Variants in COL5A2 observed in about 807,000 individuals in gnomAD.
COL5A2 encodes the protein collagen alpha-2(V) chain.
COL5A2 carries 23 observed loss-of-function variants against 208.2 expected under a neutral mutation model. That is an observed-to-expected ratio of 0.11 (90% CI 0.08 to 0.16). COL5A2 has a LOEUF of 0.16. Among genes scored for constraint, COL5A2 ranks in the 10% least tolerant of loss-of-function variants. The pLI is 1.00. For missense variants in COL5A2, 1,590 were observed against 1,956.4 expected, an observed-to-expected ratio of 0.81 and a Z score of 3.53; for synonymous variants, 625 against 628.5, an observed-to-expected ratio of 0.99 and a Z score of 0.08.
rs79567524 is a variant in COL5A2 at position 189,057,666 on chromosome 2, G to T, written c.2230-239C>A. Reference sequence around the variant, plus strand: ...CTTTTCTCTTAAGAGGCAATTGAACGCTATTTCAAATAAAAAGGATAGAGT... The same window carrying T: ...CTTTTCTCTTAAGAGGCAATTGAACTCTATTTCAAATAAAAAGGATAGAGT... On this transcript the variant is annotated intron_variant, in intron 33 of 53. Coordinates refer to ENST00000374866, the MANE Select transcript of COL5A2 (RefSeq NM_000393.5). 4.7e-3 allele frequency among the ~76,000 whole-genome samples: 708 copies of T among 152,170 alleles called. 14 individuals carry two copies. The East Asian group carries it at 0.066, about 14-fold the overall frequency.
chr2:189,253,399 C>T, the COL5A2 span, among the ~76,000 whole-genome samples: 1 of 152,190 alleles, frequency 6.6e-6, no homozygotes, highest in African/African-American at 2.4e-5. Context: ...TCCAGAGATG[C>T]TATAAGAATT....
chr2:189,076,516 G>C (rs1686408388), intron 16 of COL5A2, among the ~76,000 whole-genome samples: 2 of 152,190 alleles, frequency 1.3e-5, no homozygotes, highest in African/African-American at 4.8e-5. Context: ...GTCTTGTATA[G>C]TGCATCTATT....
the COL5A2 span, among the ~76,000 whole-genome samples, chr2:189,299,235 C>T: frequency 0.85 from 129,349 of 152,178 alleles, 56,216 homozygotes; most frequent in Non-Finnish European, 0.95. Flanking sequence ...CATTAGGTTT[C>T]AATATGCATA....
At chr2:189,155,238 T>G (rs2105793071) in intron 1 of COL5A2, among the ~76,000 whole-genome samples, 1 of 152,302 alleles carries the variant, frequency 6.6e-6, no homozygotes, top group South Asian at 2.1e-4. Context: ...TCCTTCAACT[T>G]TGGCCTCCCA....
At chr2:189,307,105 A>G in the COL5A2 span, among the ~76,000 whole-genome samples, 2 of 152,202 alleles carry the variant, frequency 1.3e-5, no homozygotes, top group Non-Finnish European at 2.9e-5. Context: ...GCTAATATGA[A>G]TTCAGTCTTC....
chr2:189,066,299 T>A (rs1339285394), intron 23 of COL5A2, 91 bp downstream of exon 23: 1 of 1,209,242 alleles, frequency 8.3e-7, no homozygotes. Context: ...CAAGCATTTC[T>A]CTTAACTGTT....
chr2:189,387,339 G>A, the COL5A2 span, among the ~76,000 whole-genome samples: 2 of 152,076 alleles, frequency 1.3e-5, no homozygotes, highest in Admixed American at 6.6e-5. Flanking sequence ...ATGGGAGCAA[G>A]GGCTGAAAAC....
the COL5A2 span, among the ~76,000 whole-genome samples, chr2:189,285,555 A>T: frequency 4.6e-5 from 7 of 152,150 alleles, no homozygotes; most frequent in African/African-American, 1.7e-4. Context: ...ACTGAAGTTG[A>T]GATGAAATAG....
At chr2:189,413,783 A>ATT in the COL5A2 span, among the ~76,000 whole-genome samples, 41,335 of 79,214 alleles carry the variant, frequency 0.52, 15,328 homozygotes, top group Non-Finnish European at 0.66. Context: ...CCTTGGCGTC[A>ATT]TTTTTTTTTT....
At chr2:189,150,603 T>G (rs1688123743) in intron 1 of COL5A2, among the ~76,000 whole-genome samples, 1 of 152,196 alleles carries the variant, frequency 6.6e-6, no homozygotes, top group African/African-American at 2.4e-5. Flanking sequence ...CAAGCTTGGA[T>G]TTCTTGATAT....
At chr2:189,365,331 T>C in the COL5A2 span, among the ~76,000 whole-genome samples, 1 of 152,194 alleles carries the variant, frequency 6.6e-6, no homozygotes, top group African/African-American at 2.4e-5. Context: ...GTTGAAATTT[T>C]CTCTAATTTT....
At chr2:189,067,935 G>T in intron 21 of COL5A2, 80 bp downstream of exon 21, 1 of 1,138,638 alleles carries the variant, frequency 8.8e-7, no homozygotes, top group Admixed American at 1.8e-5. Context: ...ATGTTTCATT[G>T]CATCACATGA....
At chr2:189,150,386 T>A (rs1032262965) in intron 1 of COL5A2, among the ~76,000 whole-genome samples, 1 of 152,180 alleles carries the variant, frequency 6.6e-6, no homozygotes, top group Non-Finnish European at 1.5e-5. Context: ...TCTCATTCTG[T>A]CATATCAATA....
At chr2:189,150,781 C>T (rs1371145303) in intron 1 of COL5A2, among the ~76,000 whole-genome samples, 1 of 152,072 alleles carries the variant, frequency 6.6e-6, no homozygotes, top group African/African-American at 2.4e-5. Flanking sequence ...TTATACAGAG[C>T]ATCAGAAGAG....
chr2:189,158,700 A>T (rs571831824), intron 1 of COL5A2, among the ~76,000 whole-genome samples: 76 of 152,184 alleles, frequency 5.0e-4, no homozygotes, highest in Middle Eastern at 6.8e-3. Flanking sequence ...TTCTAAGAGT[A>T]TCTCTGATAC....
At chr2:189,165,538 T>C (rs1435835065) in intron 1 of COL5A2, among the ~76,000 whole-genome samples, 1 of 152,172 alleles carries the variant, frequency 6.6e-6, no homozygotes, top group Non-Finnish European at 1.5e-5. Context: ...AGGGAATCCA[T>C]TCTAAAAGTA....
intron 45 of COL5A2, among the ~76,000 whole-genome samples, chr2:189,047,316 G>A (rs567204433): frequency 2.1e-4 from 32 of 152,040 alleles, no homozygotes; most frequent in Non-Finnish European, 3.4e-4. Context: ...TATTGACAAA[G>A]GAAAAAGCCC....
At chr2:189,432,285 A>G in the COL5A2 span, among the ~76,000 whole-genome samples, 3 of 152,222 alleles carry the variant, frequency 2.0e-5, no homozygotes, top group Non-Finnish European at 4.4e-5. Context: ...AACGGGCAAA[A>G]TAACCAGCTA....
chr2:189,220,456 G>A (rs1689334422), intron 1 of COL5A2, among the ~76,000 whole-genome samples: 1 of 118,744 alleles, frequency 8.4e-6, no homozygotes, highest in African/African-American at 2.6e-5. Context: ...GCTCTAATAA[G>A]CTCGGTGTAT....
Sources: gnomAD v4.1 joint callset for allele counts (sites outside exome capture counted in the v4.1 genomes callset) on GRCh38, gnomAD v4.1.1 for gene constraint, MANE v1.5 for transcripts, NCBI Gene and HGNC (gene_info 2026-07-23, HGNC 2026-07-21) for gene names.